Variants in STXBP6 observed in about 807,000 individuals in gnomAD.
The protein encoded by STXBP6 is syntaxin binding protein 6, also known as syntaxin-binding protein 6.
A neutral mutation model predicts 26.9 loss-of-function variants in STXBP6; 21 were observed. The ratio of observed to expected loss-of-function variants is 0.78; its 90% CI spans 0.55 to 1.12. STXBP6 has a LOEUF of 1.12. STXBP6 is among the 50% of genes most tolerant of loss of function. The pLI is 0.00. For synonymous variants in STXBP6, 97 were observed against 92.6 expected, an observed-to-expected ratio of 1.05 and a Z score of -0.27; for missense variants, 232 against 257.9, an observed-to-expected ratio of 0.90 and a Z score of 0.69.
chr14:24,860,227 C>A (rs854334), intron 2 of STXBP6, among the ~76,000 whole-genome samples: 100,624 of 152,026 alleles, frequency 0.66, 33,543 homozygotes, highest in Admixed American at 0.74. Flanking sequence ...AGACCACTGA[C>A]CTTGCCTGTG....
At chr14:24,888,721 CA>C (rs11292253) in intron 2 of STXBP6, among the ~76,000 whole-genome samples, 15,639 of 95,064 alleles carry the variant, frequency 0.16, 1,292 homozygotes, top group African/African-American at 0.33. Context: ...GACTCCGTCT[CA>C]AAAAAAAAAA....
At chr14:24,993,777 C>T (rs1465876145) in intron 1 of STXBP6, among the ~76,000 whole-genome samples, 7 of 152,148 alleles carry the variant, frequency 4.6e-5, no homozygotes, top group Non-Finnish European at 1.0e-4. Flanking sequence ...ACAGCACCAG[C>T]TGCCCATGCT....
At chr14:24,894,689 T>C (rs765570936) in intron 2 of STXBP6, among the ~76,000 whole-genome samples, 1 of 152,204 alleles carries the variant, frequency 6.6e-6, no homozygotes, top group Non-Finnish European at 1.5e-5. Context: ...TCTGCTCACA[T>C]CTGCATTAAC....
At chr14:24,847,072 T>C (rs535530920) in intron 4 of STXBP6, among the ~76,000 whole-genome samples, 42 of 152,298 alleles carry the variant, frequency 2.8e-4, no homozygotes, top group South Asian at 2.3e-3. Context: ...AAAGAGTGTG[T>C]ATTCTGAATG....
At chr14:24,854,649 G>A (rs955722447) in intron 4 of STXBP6, among the ~76,000 whole-genome samples, 1 of 152,048 alleles carries the variant, frequency 6.6e-6, no homozygotes, top group Non-Finnish European at 1.5e-5. Flanking sequence ...GTGGCCCTCT[G>A]TGGTCCTAAG....
chr14:24,941,315 G>C (rs1388025036), intron 2 of STXBP6, among the ~76,000 whole-genome samples: 1 of 152,172 alleles, frequency 6.6e-6, no homozygotes, highest in African/African-American at 2.4e-5. Context: ...GCCATGATAG[G>C]GATGCATGAG....
chr14:25,039,730 G>A (rs570403026), intron 1 of STXBP6, among the ~76,000 whole-genome samples: 127 of 148,600 alleles, frequency 8.5e-4, no homozygotes, highest in African/African-American at 3.0e-3. Flanking sequence ...TTTTTGAGAC[G>A]GAGTCTCGCT....
chr14:24,835,804 C>T (rs1308585597), intron 4 of STXBP6, among the ~76,000 whole-genome samples: 15 of 152,128 alleles, frequency 9.9e-5, no homozygotes, highest in Admixed American at 7.9e-4. Flanking sequence ...CGCTTAATAA[C>T]GATATCCATA....
intron 2 of STXBP6, among the ~76,000 whole-genome samples, chr14:24,936,902 A>G (rs1005862133): frequency 6.6e-6 from 1 of 152,248 alleles, no homozygotes; most frequent in Non-Finnish European, 1.5e-5. Context: ...ATATCCATCA[A>G]TGATAGACTG....
intron 2 of STXBP6, among the ~76,000 whole-genome samples, chr14:24,952,352 G>A (rs370053889): frequency 4.0e-5 from 6 of 149,374 alleles, no homozygotes; most frequent in African/African-American, 7.4e-5. Flanking sequence ...TTAAATGCAC[G>A]TAGTTAATCT....
intron 1 of STXBP6, among the ~76,000 whole-genome samples, chr14:25,032,304 G>T (rs568115179): frequency 6.6e-6 from 1 of 152,202 alleles, no homozygotes; most frequent in South Asian, 2.1e-4. Context: ...GACATCGCTC[G>T]ACACAGAGGA....
intron 1 of STXBP6, among the ~76,000 whole-genome samples, chr14:24,978,943 G>A (rs916360676): frequency 6.6e-6 from 1 of 152,178 alleles, no homozygotes; most frequent in African/African-American, 2.4e-5. Flanking sequence ...TTCCAGTAGT[G>A]GAACTGGTAT....
chr14:24,839,139 T>C (rs1594939585), intron 4 of STXBP6, among the ~76,000 whole-genome samples: 1 of 152,110 alleles, frequency 6.6e-6, no homozygotes, highest in East Asian at 1.9e-4. Flanking sequence ...GCATTGTCTG[T>C]CCCCGCCTGC....
chr14:24,999,630 G>C (rs957761868), intron 1 of STXBP6, among the ~76,000 whole-genome samples: 3 of 152,142 alleles, frequency 2.0e-5, no homozygotes, highest in African/African-American at 7.2e-5. Flanking sequence ...GGGTAGAATG[G>C]TCACAGGAGG....
chr14:24,857,968 G>T (rs1037002864), intron 2 of STXBP6, among the ~76,000 whole-genome samples: 12 of 151,980 alleles, frequency 7.9e-5, no homozygotes, highest in African/African-American at 2.4e-4. Context: ...TCTTTAAAGG[G>T]ATTTCCTAAA....
At chr14:24,959,433 A>G (rs114492522) in intron 2 of STXBP6, among the ~76,000 whole-genome samples, 48 of 152,322 alleles carry the variant, frequency 3.2e-4, no homozygotes, top group African/African-American at 1.2e-3. Flanking sequence ...TCTCTCCTTC[A>G]GACCATTTCA....
At position 24,927,114 on chromosome 14, in the gene STXBP6, T is replaced by C. The variant is rs189161893; in HGVS notation, c.154+47551A>G. ...CATAATGGATGAATTTCTAGTGTTCTTGTGCAGAGGATAATATTCAGGTAT... is the reference window on the plus strand; with the variant it reads ...CATAATGGATGAATTTCTAGTGTTCCTGTGCAGAGGATAATATTCAGGTAT... On this transcript the variant is annotated intron_variant, in intron 2 of 5. Transcript: ENST00000323944. Among the ~76,000 whole-genome samples, 18 of 152,320 alleles carry C rather than the reference T, an allele frequency of 1.2e-4. 1 individual carries two copies. Among genetic ancestry groups the C allele is most frequent in the Admixed American group, 9.1e-4 (14 of 15,304 alleles).
At chr14:24,925,192 T>G (rs2072117339) in intron 2 of STXBP6, among the ~76,000 whole-genome samples, 1 of 152,242 alleles carries the variant, frequency 6.6e-6, no homozygotes, top group Non-Finnish European at 1.5e-5. Flanking sequence ...CATTTTCATT[T>G]ACTTATTCAC....
chr14:24,974,052 G>A (rs957918163), intron 2 of STXBP6, among the ~76,000 whole-genome samples: 9 of 150,828 alleles, frequency 6.0e-5, no homozygotes, highest in Non-Finnish European at 1.2e-4. Context: ...ATCTTAATAC[G>A]AATCCATTGT....
Sources: gnomAD v4.1 joint callset for allele counts (sites outside exome capture counted in the v4.1 genomes callset) on GRCh38, gnomAD v4.1.1 for gene constraint, MANE v1.5 for transcripts, NCBI Gene and HGNC (gene_info 2026-07-23, HGNC 2026-07-21) for gene names.